The following CFAP46 variants were observed in gnomAD, a reference collection of about 807,000 sequenced individuals.
CFAP46 encodes the protein cilia and flagella associated protein 46, also known as cilia- and flagella-associated protein 46.
A neutral mutation model predicts 325.7 loss-of-function variants in CFAP46; 245 were observed. The ratio of observed to expected loss-of-function variants is 0.75; its 90% confidence interval spans 0.68 to 0.84. The LOEUF (loss-of-function observed/expected upper bound fraction) is 0.84. CFAP46 is among the 40% of genes least tolerant of loss of function. The pLI is 0.00. For synonymous variants in CFAP46, 1,523 were observed against 1,495.9 expected (o/e 1.02, Z -0.42); for missense variants, 3,346 against 3,543.0 (o/e 0.94, Z 1.41).
At position 132,934,858 on chromosome 10, in the gene CFAP46, C is replaced by T; in HGVS notation, c.760G>A (p.Ala254Thr). The T allele has an allele frequency of 1.3e-6, 2 of 1,586,342 alleles. No homozygotes were observed. The highest frequency in any genetic ancestry group is 1.7e-6 in the Non-Finnish European group (2 of 1,155,530). The change falls in exon 8 of 58, where the codon GCG becomes ACG. Residue 254 changes from alanine (A) to threonine (T), a missense_variant. Physicochemically the swap from Ala to Thr is moderately conservative, Grantham distance 58 (BLOSUM62 0). Transcript: ENST00000368586. ...TFYINMLKAK[A>T]EQNDLPGDIS... is the part of the protein sequence containing the mutation. ...TCACCTGGTAAATCATTTTGCTCCGCTTTTCTAGAAATAATTCAGAGAGTA... is the reference window on the plus strand; with the variant it reads ...TCACCTGGTAAATCATTTTGCTCCGTTTTTCTAGAAATAATTCAGAGAGTA...
chr10:132,937,105 GA>G, intron 6 of CFAP46, 50 bp from the exon 7 acceptor site: 1 of 1,085,648 alleles, frequency 9.2e-7, no homozygotes, highest in Non-Finnish European at 1.3e-6. Context: ...CAATTCGGTA[GA>G]GGTTCAGATT....
In CFAP46 at chr10:132,812,091, G is replaced by A. The variant is rs1358020253; in HGVS notation, c.7501+694C>T. ...ACGTTGAGTCAGAGGGGTGGCCTCGGCACAAGGCTGAGCCACGCCTGCCTC... is the reference window on the plus strand; with the variant it reads ...ACGTTGAGTCAGAGGGGTGGCCTCGACACAAGGCTGAGCCACGCCTGCCTC... On this transcript the variant is annotated intron_variant, in intron 55 of 57. Coordinates refer to ENST00000368586, the MANE Select transcript of CFAP46 (RefSeq NM_001200049.3). Among the ~76,000 whole-genome samples, 5 of 152,218 alleles carry A rather than the reference G, an allele frequency of 3.3e-5. No individual in the cohort carries two copies. The East Asian group carries it at 7.7e-4, about 23-fold the overall frequency.
intron 50 of CFAP46, among the ~76,000 whole-genome samples, chr10:132,829,144 T>C (rs898475967): frequency 6.6e-6 from 1 of 150,884 alleles, no homozygotes; most frequent in Admixed American, 6.6e-5. Context: ...AATCTATAGA[T>C]CACCTTGGGG....
intron 29 of CFAP46, among the ~76,000 whole-genome samples, chr10:132,878,962 G>T (rs937233100): frequency 6.6e-6 from 1 of 152,210 alleles, no homozygotes; most frequent in African/African-American, 2.4e-5. Flanking sequence ...GACAAGGAGG[G>T]GGGTGGGAGT....
intron 8 of CFAP46, among the ~76,000 whole-genome samples, chr10:132,931,653 TAC>T (rs1182567672): frequency 2.8e-5 from 2 of 71,454 alleles, no homozygotes; most frequent in South Asian, 5.8e-4. Flanking sequence ...TGGGCCTCCC[TAC>T]ACTCCCCACA....
intron 19 of CFAP46, among the ~76,000 whole-genome samples, chr10:132,911,061 C>A (rs933881563): frequency 2.0e-5 from 3 of 152,220 alleles, no homozygotes; most frequent in African/African-American, 7.2e-5. Flanking sequence ...CTCCTCTGCA[C>A]CCCCCAGCTG....
Position 132,892,172 on chromosome 10 carries a change from G to A in CFAP46, c.3304+161C>T, listed in dbSNP as rs145316557. Among the ~76,000 whole-genome samples the A allele has an allele frequency of 1.8e-4, 28 of 152,316 alleles. No individual in the cohort carries two copies. In the East Asian group the frequency reaches 4.4e-3, roughly 24 times the overall value. ...GCTCATTCCTGAAGAGCACTCAGGC[G>A]CCTGGCATGCATCAGATGCTGAACA... On this transcript the variant is annotated intron_variant, in intron 25 of 57. Transcript: ENST00000368586.
chr10:132,823,079 GTGC>G (rs1221183434), intron 50 of CFAP46, among the ~76,000 whole-genome samples: 3 of 146,268 alleles, frequency 2.1e-5, no homozygotes, highest in Non-Finnish European at 3.0e-5. Context: ...TGTGCTGTGT[GTGC>G]TGATGTGTGC....
At chr10:132,935,877 C>A (rs12764236) in intron 7 of CFAP46, among the ~76,000 whole-genome samples, 6 of 119,354 alleles carry the variant, frequency 5.0e-5, no homozygotes, top group East Asian at 2.6e-4. Context: ...GCACCCAAAC[C>A]CACCGTGATC....
intron 7 of CFAP46, among the ~76,000 whole-genome samples, 191 bp from the exon 8 acceptor site, chr10:132,935,053 T>A (rs1849970893): frequency 1.3e-5 from 2 of 152,124 alleles, no homozygotes; most frequent in Admixed American, 1.3e-4. Flanking sequence ...CCCTCCATGA[T>A]GCCCGGCCTT....
At chr10:132,868,814 G>C (rs921852913) in intron 33 of CFAP46, among the ~76,000 whole-genome samples, 1 of 152,228 alleles carries the variant, frequency 6.6e-6, no homozygotes, top group Non-Finnish European at 1.5e-5. Context: ...GTATTTCTGA[G>C]ATGGTCTCTA....
chr10:132,912,619 CTCT>C (rs1192168051), intron 19 of CFAP46, 33 bp downstream of exon 19: 2 of 1,536,014 alleles, frequency 1.3e-6, no homozygotes, highest in African/African-American at 2.8e-5. Context: ...CTCTCTCTCT[CTCT>C]CTCTCTCTCT....
chr10:132,858,053 G>A (rs900333346), intron 38 of CFAP46, among the ~76,000 whole-genome samples: 1 of 152,248 alleles, frequency 6.6e-6, no homozygotes, highest in South Asian at 2.1e-4. Context: ...GCTTTACCCA[G>A]CGGGCTGGGT....
chr10:132,922,098 G>C lies in CFAP46; in HGVS notation c.1606+6C>G. On this transcript the variant is annotated splice_donor_region_variant and intron_variant, in intron 13 of 57. Transcript: ENST00000368586. ...CTGGGCTGGGAGAGCCCAGTGCAGA[G>C]CTCACCTTTGGCCTCATTCTCACTG... 1 of 1,549,814 alleles carries C rather than the reference G, an allele frequency of 6.5e-7. No individual in the cohort carries two copies. Among genetic ancestry groups the C allele is most frequent in the East Asian group, 2.4e-5 (1 of 40,918 alleles).
chr10:132,929,828 C>G (rs1849865821), intron 8 of CFAP46, 24 bp from the exon 9 acceptor site: 1 of 1,584,776 alleles, frequency 6.3e-7, no homozygotes, highest in African/African-American at 1.3e-5. Flanking sequence ...AACCAGCCAG[C>G]ACCGGCTCAA....
intron 45 of CFAP46, 135 bp from the exon 46 acceptor site, chr10:132,836,353 G>C: frequency 1.3e-6 from 1 of 762,132 alleles, no homozygotes; most frequent in South Asian, 1.6e-5. Context: ...GGCCCTCCCC[G>C]TGTGCGCCTC....
At chr10:132,812,761 G>C (rs746930431) in intron 55 of CFAP46, 24 bp downstream of exon 55, 2 of 1,558,582 alleles carry the variant, frequency 1.3e-6, no homozygotes, top group Admixed American at 1.7e-5. Context: ...GCGGGGGAGG[G>C]GGTGCTGAGA....
At position 132,937,611 on chromosome 10, in the gene CFAP46, C is replaced by G; in HGVS notation, c.601G>C (p.Ala201Pro). 6.2e-7 allele frequency: 1 copy of G among 1,613,544 alleles called. No individual in the cohort carries two copies. The highest frequency in any genetic ancestry group is 8.5e-7 in the Non-Finnish European group (1 of 1,179,940). ...ACGTGAGACTTAATGAACGGAGCTG[C>G]CGTGGAGCAGAACCTGGCAGCCTCC... ...KEEAARFCST[A>P]APFIKSHVPQ... Residue 201 changes from alanine (A) to proline (P), a missense_variant, in exon 6 of 58, where the codon GCA becomes CCA. Physicochemically the swap from Ala to Pro is conservative, Grantham distance 27 (BLOSUM62 -1). Transcript: ENST00000368586.
rs1850058651 is a variant in CFAP46 at position 132,939,038 on chromosome 10, C to G, written c.372-285G>C. Among the ~76,000 whole-genome samples, 1 of 152,200 alleles carries G rather than the reference C, an allele frequency of 6.6e-6. No individual in the cohort carries two copies. The highest frequency in any genetic ancestry group is 6.5e-5 in the Admixed American group (1 of 15,286). ...CGGCCACAGGCTCCCGAGTCCAGAC[C>G]AGGGCCTTCTTCATCAATTATTCCA... On this transcript the variant is annotated intron_variant, in intron 4 of 57. Coordinates refer to ENST00000368586, the MANE Select transcript of CFAP46 (RefSeq NM_001200049.3). The surrounding 1 kb of genome is among the most constrained non-coding windows in gnomAD (Gnocchi z 4.6).
Sources: allele counts gnomAD v4.1 joint callset (sites outside exome capture counted in the v4.1 genomes callset), GRCh38; gene constraint gnomAD v4.1.1; non-coding constraint Gnocchi (gnomAD v3.1); transcripts MANE v1.5; gene names NCBI Gene and HGNC (gene_info 2026-07-23, HGNC 2026-07-21).